Variants in GPC3 observed in about 807,000 individuals in gnomAD.
GPC3 encodes glypican-3.
GPC3 carries 3 observed loss-of-function variants against 34.4 expected under a neutral mutation model. The ratio of observed to expected loss-of-function variants is 0.09; its 90% confidence interval spans 0.04 to 0.23. The LOEUF (loss-of-function observed/expected upper bound fraction) is 0.23, where lower values mean the gene tolerates loss of function less well. GPC3 is among the 10% of genes least tolerant of loss of function. The pLI, the probability that GPC3 is intolerant of heterozygous loss-of-function variation, is 1.00. For synonymous variants in GPC3, 177 were observed against 174.0 expected (o/e 1.02, Z -0.13); for missense variants, 351 against 445.6 (o/e 0.79, Z 1.91).
intron 7 of GPC3, among the ~76,000 whole-genome samples, chrX:133,544,923 T>C (rs1446134154): frequency 1.8e-5 from 2 of 111,307 alleles, no homozygotes; most frequent in African/African-American, 6.5e-5. Context: ...GTGTGGGTAA[T>C]GTGGGTGGTG....
At chrX:133,747,903 T>C (rs948378159) in intron 3 of GPC3, among the ~76,000 whole-genome samples, 3 of 112,137 alleles carry the variant, frequency 2.7e-5, no homozygotes, top group African/African-American at 6.5e-5. Context: ...CAAGGAAGCA[T>C]AGAACAAGCC....
intron 2 of GPC3, among the ~76,000 whole-genome samples, chrX:133,855,125 G>A (rs1397520397): frequency 9.0e-6 from 1 of 111,168 alleles, no homozygotes; most frequent in Non-Finnish European, 1.9e-5. Context: ...TAATTTTGGT[G>A]GATATTCCAG....
chrX:133,679,265 A>G (rs373136438), intron 5 of GPC3, among the ~76,000 whole-genome samples: 1 of 111,535 alleles, frequency 9.0e-6, no homozygotes, highest in East Asian at 2.8e-4. Context: ...TGATTACCCA[A>G]TGTTCCATTT....
At chrX:133,902,972 C>T (rs942508447) in intron 2 of GPC3, among the ~76,000 whole-genome samples, 4 of 110,884 alleles carry the variant, frequency 3.6e-5, no homozygotes, top group Admixed American at 2.9e-4. Flanking sequence ...AGGCCGGGTG[C>T]GGTAGCCCAT....
intron 7 of GPC3, among the ~76,000 whole-genome samples, chrX:133,541,440 G>A (rs2069342310): frequency 9.0e-6 from 1 of 111,559 alleles, no homozygotes; most frequent in Admixed American, 9.6e-5. Flanking sequence ...ATTATAAAAT[G>A]CACATAAATT....
chrX:133,576,129 T>C (rs1164079766), intron 7 of GPC3, among the ~76,000 whole-genome samples: 2 of 112,400 alleles, frequency 1.8e-5, no homozygotes, highest in African/African-American at 6.5e-5. Context: ...GTCATCATCA[T>C]CAACAAATAC....
intron 2 of GPC3, among the ~76,000 whole-genome samples, chrX:133,855,950 T>A (rs771183876): frequency 2.9e-4 from 32 of 111,976 alleles, no homozygotes; most frequent in Non-Finnish European, 5.1e-4. Flanking sequence ...AATGGCAGGA[T>A]CCCTTCCTTT....
chrX:133,745,710 TA>T (rs1411898967), intron 3 of GPC3, among the ~76,000 whole-genome samples: 1 of 112,452 alleles, frequency 8.9e-6, no homozygotes, highest in Admixed American at 9.4e-5. Context: ...TGTCTTTTAC[TA>T]ACTTCTAATT....
At chrX:133,887,555 C>T (rs1467642661) in intron 2 of GPC3, among the ~76,000 whole-genome samples, 2 of 111,378 alleles carry the variant, frequency 1.8e-5, no homozygotes, top group African/African-American at 6.5e-5. Flanking sequence ...TGTTTGAGTT[C>T]CTCATATACT....
At chrX:133,824,568 A>C (rs1236528877) in intron 2 of GPC3, among the ~76,000 whole-genome samples, 1 of 112,005 alleles carries the variant, frequency 8.9e-6, no homozygotes, top group Non-Finnish European at 1.9e-5. Flanking sequence ...GGTATATTAC[A>C]AAACAGCTAA....
At chrX:133,681,176 C>T (rs2070939297) in intron 5 of GPC3, among the ~76,000 whole-genome samples, 1 of 111,659 alleles carries the variant, frequency 9.0e-6, no homozygotes, top group African/African-American at 3.3e-5. Context: ...AGGCACTATA[C>T]TCTGCACTTC....
At chrX:133,849,677 C>T (rs1288887467) in intron 2 of GPC3, among the ~76,000 whole-genome samples, 1 of 111,738 alleles carries the variant, frequency 8.9e-6, no homozygotes, top group Non-Finnish European at 1.9e-5. Context: ...ACCCACTTAA[C>T]TGTCACCTGA....
At chrX:133,708,212 T>C (rs2071234984) in intron 3 of GPC3, among the ~76,000 whole-genome samples, 1 of 112,031 alleles carries the variant, frequency 8.9e-6, no homozygotes, top group Non-Finnish European at 1.9e-5. Flanking sequence ...TGAATAAAGC[T>C]GCACTGTTTA....
intron 4 of GPC3, among the ~76,000 whole-genome samples, chrX:133,698,213 T>C (rs111411754): frequency 0.016 from 1,741 of 112,136 alleles, 31 homozygotes; most frequent in African/African-American, 0.052. Flanking sequence ...AGCTGGCAAC[T>C]GAGATGTGCC....
At position 133,842,312 on chromosome X, in the gene GPC3, T is replaced by C. The variant is rs1200261396; in HGVS notation, c.338-88136A>G. Among the ~76,000 whole-genome samples, 8 of 105,798 alleles carry C rather than the reference T, an allele frequency of 7.6e-5. No individual in the cohort carries two copies. The East Asian group carries it at 2.3e-3, about 31-fold the overall frequency. 91.9% of individuals were successfully genotyped at this position (105,798 alleles called of 115,157 possible). ...CAGCCTGGGCCACGGAGTGAGACTG[T>C]CTCAAAAAAAAAATAATAATAATAA... On this transcript the variant is annotated intron_variant, in intron 2 of 7. Transcript: ENST00000370818.
At chrX:133,797,038 T>C (rs1232497945) in intron 2 of GPC3, among the ~76,000 whole-genome samples, 1 of 111,253 alleles carries the variant, frequency 9.0e-6, no homozygotes, top group Non-Finnish European at 1.9e-5. Context: ...CATACTTTAG[T>C]CAATTCCAGC....
chrX:133,939,269 T>C (rs1009633695), intron 2 of GPC3, among the ~76,000 whole-genome samples: 3 of 112,225 alleles, frequency 2.7e-5, no homozygotes, highest in African/African-American at 6.5e-5. Context: ...CTGGAGATGA[T>C]TGAAAATACA....
intron 2 of GPC3, among the ~76,000 whole-genome samples, chrX:133,938,483 TA>T (rs2076331676): frequency 8.9e-6 from 1 of 112,154 alleles, no homozygotes; most frequent in Admixed American, 9.5e-5. Context: ...TCATTGTAAT[TA>T]GCAGCCTCAA....
intron 2 of GPC3, among the ~76,000 whole-genome samples, chrX:133,902,048 T>TA (rs2076146523): frequency 8.9e-6 from 1 of 112,015 alleles, no homozygotes; most frequent in Admixed American, 9.5e-5. Flanking sequence ...GGCCAGATGA[T>TA]ATACAATGTC....
Sources: allele counts gnomAD v4.1 joint callset (sites outside exome capture counted in the v4.1 genomes callset), GRCh38; gene constraint gnomAD v4.1.1; transcripts MANE v1.5; gene names NCBI Gene and HGNC (gene_info 2026-07-23, HGNC 2026-07-21).